UROS: variants seen among roughly 807,000 people sequenced by gnomAD.
UROS encodes uroporphyrinogen III synthase.
A neutral mutation model predicts 33.0 loss-of-function variants in UROS; 18 were observed. The observed-to-expected ratio is 0.55, with a 90% CI of 0.38 to 0.81. UROS has a LOEUF of 0.81. UROS is among the 30% of genes least tolerant of loss of function. The pLI is 0.00. For missense variants in UROS, 293 were observed against 314.9 expected, an observed-to-expected ratio of 0.93 and a Z score of 0.53; for synonymous variants, 114 against 121.1, an observed-to-expected ratio of 0.94 and a Z score of 0.38.
At chr10:125,802,266 C>T in intron 6 of UROS, 1 of 985,678 alleles carries the variant, frequency 1.0e-6, no homozygotes, top group East Asian at 1.1e-4. Context: ...TCCCATGGGG[C>T]TGGGGCCACA....
downstream of UROS, among the ~76,000 whole-genome samples, chr10:125,787,229 G>A (rs533182139): frequency 6.4e-4 from 98 of 152,274 alleles, 1 homozygote; most frequent in African/African-American, 2.2e-3. Context: ...CCCCTACCCC[G>A]AGGCTCTGAA....
chr10:125,794,472 A>G, intron 9 of UROS: 1 of 621,796 alleles, frequency 1.6e-6, no homozygotes, highest in Non-Finnish European at 2.1e-6. Context: ...ACCCTTTAAA[A>G]GATATGAAAA....
chr10:125,802,694 G>A (rs749616577), intron 6 of UROS: 3 of 1,320,824 alleles, frequency 2.3e-6, no homozygotes, highest in Non-Finnish European at 2.9e-6. Context: ...CACAGTGCTG[G>A]CTCATGAAAC....
rs767022043 is a variant in UROS at position 125,794,976 on chromosome 10, C to G, written c.564G>C (p.Gly188=). The change falls in exon 9 of 10, where the codon GGG becomes GGC. Residue 188 remains glycine (G), a splice_region_variant and synonymous_variant. Coordinates refer to ENST00000368797, the MANE Select transcript of UROS (RefSeq NM_000375.3). ...TAAAAAATGTGATGCTGGCTGGAAC[C>G]CCCTGTGGGGAACAGAAAACAAGAT... is the stretch of plus-strand genomic sequence containing the variant. ...GNLNSYYSQQ[G]VPASITFFSP... is the part of the protein sequence containing the mutation. 6.2e-7 allele frequency: 1 copy of G among 1,613,820 alleles called. No homozygotes were observed. Among genetic ancestry groups the G allele is most frequent in the Non-Finnish European group, 8.5e-7 (1 of 1,179,720 alleles).
chr10:125,812,590 A>C (rs1405189347), intron 4 of UROS, among the ~76,000 whole-genome samples: 2 of 152,240 alleles, frequency 1.3e-5, no homozygotes, highest in Non-Finnish European at 2.9e-5. Flanking sequence ...TTGAAGAATT[A>C]ATCTGCATAG....
chr10:125,790,157 C>T (rs970063210), intron 9 of UROS, among the ~76,000 whole-genome samples: 1 of 152,168 alleles, frequency 6.6e-6, no homozygotes, highest in Non-Finnish European at 1.5e-5. Flanking sequence ...CACTGTCCTG[C>T]AGAGGCCCCG....
chr10:125,796,309 C>G, intron 7 of UROS, 121 bp from the exon 8 acceptor site: 1 of 1,014,782 alleles, frequency 9.9e-7, no homozygotes, highest in Non-Finnish European at 1.6e-6. Flanking sequence ...GAACGAGCTG[C>G]TTGGAAGCTG....
chr10:125,815,925 G>C (rs763475338), intron 3 of UROS, among the ~76,000 whole-genome samples: 6 of 152,170 alleles, frequency 3.9e-5, no homozygotes, highest in Non-Finnish European at 5.9e-5. Context: ...AGCAATGCAG[G>C]TTTGCTGCTC....
At chr10:125,791,458 C>G (rs1428525053) in intron 9 of UROS, 1 of 152,016 alleles carries the variant, frequency 6.6e-6, no homozygotes, top group Non-Finnish European at 1.5e-5. Context: ...TACCTTAGAT[C>G]TAGTAAATCT....
rs1164218898 is a variant in UROS at position 125,802,774 on chromosome 10, CG to C, written c.395-4630del. The C allele has an allele frequency of 2.1e-6, 3 of 1,427,622 alleles. No individual in the cohort carries two copies. In the East Asian group the frequency reaches 7.6e-5, roughly 36 times the overall value. The allele number at this position is 1,427,622 out of a possible 1,614,324, so 88.4% of individuals were successfully genotyped here. On this transcript the variant is annotated intron_variant, in intron 6 of 9. Transcript: ENST00000368797. Reference sequence around the variant, plus strand: ...TAGGGAGGGTAGGTCTGAGATGGCACGAACTCCCAGCGGTACAGACTGAGGC... The same window carrying C: ...TAGGGAGGGTAGGTCTGAGATGGCACAACTCCCAGCGGTACAGACTGAGGC...
Position 125,796,862 on chromosome 10 carries a change from C to T in UROS, c.476-674G>A, listed in dbSNP as rs187713573. ...TGAAAAGTAGTGAAAACTCAGGCTT[C>T]TGAAAATAAAATGGGAAACTCTCTC... is the stretch of plus-strand genomic sequence containing the variant. On this transcript the variant is annotated intron_variant, in intron 7 of 9. Transcript: ENST00000368797. The T allele has an allele frequency of 5.8e-5, 57 of 985,374 alleles. No homozygotes were observed. In the African/African-American group the frequency reaches 9.9e-4, roughly 17 times the overall value. 61.0% of individuals were successfully genotyped at this position (985,374 alleles called of 1,614,324 possible). A position where few individuals can be genotyped will look rare whatever the true frequency, so the allele number is the denominator to read the frequency against.
chr10:125,788,669 C>T lies in UROS; in HGVS notation c.*199G>A. The T allele has an allele frequency of 1.4e-6, 2 of 1,428,010 alleles. No homozygotes were observed. Among genetic ancestry groups the T allele is most frequent in the South Asian group, 1.5e-5 (1 of 65,804 alleles). The allele number at this position is 1,428,010 out of a possible 1,614,324, so 88.5% of individuals were successfully genotyped here. A position where few individuals can be genotyped will look rare whatever the true frequency, so the allele number is the denominator to read the frequency against. On this transcript the variant is annotated 3_prime_UTR_variant, in exon 10 of 10. Transcript: ENST00000368797. ...CAGGGCTAGGGTTTAAGCTGGCTTC[C>T]ACAGAGGGCAGTCACGTGCACGTGG...
intron 6 of UROS, among the ~76,000 whole-genome samples, chr10:125,799,652 G>A (rs891716373): frequency 1.3e-5 from 2 of 152,180 alleles, no homozygotes; most frequent in Non-Finnish European, 2.9e-5. Flanking sequence ...GAGGGCAGCT[G>A]CTTGTCTCTA....
downstream of UROS, among the ~76,000 whole-genome samples, chr10:125,788,033 A>C (rs1850681273): frequency 6.6e-6 from 1 of 152,198 alleles, no homozygotes; most frequent in Non-Finnish European, 1.5e-5. Flanking sequence ...CCTCAGGGTT[A>C]TGAGGAATGG....
rs571452498 is a variant in UROS at position 125,796,790 on chromosome 10, G to A, written c.476-602C>T. 7.5e-5 allele frequency: 74 copies of A among 985,346 alleles called. No individual in the cohort carries two copies. In the African/African-American group the frequency reaches 8.7e-4, roughly 12 times the overall value. The allele number at this position is 985,346 out of a possible 1,614,324, so 61.0% of individuals were successfully genotyped here. A position where few individuals can be genotyped will look rare whatever the true frequency, so the allele number is the denominator to read the frequency against. On this transcript the variant is annotated intron_variant, in intron 7 of 9. Coordinates refer to ENST00000368797, the MANE Select transcript of UROS (RefSeq NM_000375.3). ...GGCGCTAGGCACTGAAGGGACTCAC[G>A]CAATTTCAGTCAGATATTGACTTAT...
intron 6 of UROS, among the ~76,000 whole-genome samples, chr10:125,798,871 A>G (rs779757978): frequency 6.6e-6 from 1 of 152,260 alleles, no homozygotes; most frequent in Non-Finnish European, 1.5e-5. Context: ...CCAATTTGCA[A>G]CAATACTGTC....
At chr10:125,805,349 G>A (rs1203130927) in intron 6 of UROS, among the ~76,000 whole-genome samples, 1 of 152,232 alleles carries the variant, frequency 6.6e-6, no homozygotes, top group Non-Finnish European at 1.5e-5. Flanking sequence ...CTCCTTGAGA[G>A]CAGGTCGGCA....
intron 4 of UROS, among the ~76,000 whole-genome samples, chr10:125,813,176 A>G (rs1303442621): frequency 6.6e-6 from 1 of 152,194 alleles, no homozygotes; most frequent in Non-Finnish European, 1.5e-5. Context: ...TGGAGTGAGC[A>G]CTGGGTGGAG....
chr10:125,798,116 G>A lies in UROS; in HGVS notation c.424C>T (p.Pro142Ser), dbSNP rs781589110. 8 of 1,613,886 alleles carry A rather than the reference G, an allele frequency of 5.0e-6. No individual in the cohort carries two copies. Among genetic ancestry groups the A allele is most frequent in the African/African-American group, 4.0e-5 (3 of 74,930 alleles). Residue 142 changes from proline (P) to serine (S), a missense_variant, in exon 7 of 10, where the codon CCC becomes TCC. Physicochemically the swap from Pro to Ser is moderately conservative, Grantham distance 74. Transcript: ENST00000368797. ...ATTTCTCTTTTGAGGTTTCCACAGG[G>A]AAATAGAAGAGGCAGTGCTGAGGAC... Reference protein sequence around the residue: ...RESSALPLLFPCGNLKREILP... With the variant: ...RESSALPLLFSCGNLKREILP...
Sources: gnomAD v4.1 joint callset for allele counts (sites outside exome capture counted in the v4.1 genomes callset) on GRCh38, gnomAD v4.1.1 for gene constraint, MANE v1.5 for transcripts, NCBI Gene and HGNC (gene_info 2026-07-23, HGNC 2026-07-21) for gene names.